NRCAM: variants seen among roughly 807,000 people sequenced by gnomAD.
NRCAM encodes the protein neuronal cell adhesion molecule, also known as NgCAM-related cell adhesion molecule.
NRCAM carries 83 observed loss-of-function variants against 156.5 expected under a neutral mutation model. That is an observed-to-expected ratio of 0.53 (90% CI 0.44 to 0.64). The LOEUF is 0.64. Among genes scored for constraint, NRCAM ranks in the 30% least tolerant of loss-of-function variants. The probability of loss-of-function intolerance (pLI) is 0.00; values close to 1 mark genes in which losing one functional copy is unlikely to be tolerated. For synonymous variants in NRCAM, 538 were observed against 563.9 expected, an observed-to-expected ratio of 0.95 and a Z score of 0.65; for missense variants, 1,417 against 1,597.3, an observed-to-expected ratio of 0.89 and a Z score of 1.92.
chr7:108,315,102 G>A (rs187842366), intron 2 of NRCAM, among the ~76,000 whole-genome samples: 5 of 151,450 alleles, frequency 3.3e-5, no homozygotes, highest in East Asian at 3.9e-4. Context: ...AACTTTATAC[G>A]CAAGAATATA....
At chr7:108,150,449 A>G (rs2040646266) in intron 32 of NRCAM, among the ~76,000 whole-genome samples, 1 of 152,226 alleles carries the variant, frequency 6.6e-6, no homozygotes, top group African/African-American at 2.4e-5. Context: ...ATTAAATAAG[A>G]AAGAATTCAG....
intron 3 of NRCAM, among the ~76,000 whole-genome samples, chr7:108,263,469 T>C (rs1170055632): frequency 6.6e-6 from 1 of 152,246 alleles, no homozygotes; most frequent in Non-Finnish European, 1.5e-5. Flanking sequence ...TTGCAGTGTA[T>C]TGCCCTAACT....
intron 2 of NRCAM, among the ~76,000 whole-genome samples, chr7:108,373,483 T>G (rs934846455): frequency 1.3e-5 from 2 of 152,178 alleles, no homozygotes; most frequent in Non-Finnish European, 2.9e-5. Flanking sequence ...TACAGCTACC[T>G]TACTTTCAAT....
At chr7:108,427,837 T>G (rs1819385565) in intron 1 of NRCAM, among the ~76,000 whole-genome samples, 1 of 152,188 alleles carries the variant, frequency 6.6e-6, no homozygotes, top group Non-Finnish European at 1.5e-5. Flanking sequence ...GTTATTTCAA[T>G]CTTGCTCTTG....
chr7:108,237,646 A>G, intron 5 of NRCAM, 106 bp downstream of exon 5: 1 of 770,174 alleles, frequency 1.3e-6, no homozygotes. Context: ...AGAAAGACAA[A>G]GGTCACAAAA....
In NRCAM at chr7:108,268,045, A is replaced by C. The variant is rs2097174229; in HGVS notation, c.-106-27875T>G. ...TCTCATTAATATAGCAAATAAGTAA[A>C]ATTCATTTACACGGCATTTCTTCAC... On this transcript the variant is annotated intron_variant, in intron 3 of 32. Transcript: ENST00000379028. 7.9e-5 allele frequency among the ~76,000 whole-genome samples: 4 copies of C among 50,838 alleles called. No homozygotes were observed. The South Asian group carries it at 2.5e-3, about 31-fold the overall frequency. 33.4% of individuals were successfully genotyped at this position (50,838 alleles called of 152,430 possible).
chr7:108,300,823 T>C (rs2098594532), intron 3 of NRCAM, among the ~76,000 whole-genome samples: 1 of 152,180 alleles, frequency 6.6e-6, no homozygotes, highest in Non-Finnish European at 1.5e-5. Flanking sequence ...AAATTTTTGA[T>C]TAAAATATCA....
intron 28 of NRCAM, among the ~76,000 whole-genome samples, chr7:108,174,768 C>T (rs1042635154): frequency 1.3e-5 from 2 of 152,240 alleles, no homozygotes; most frequent in African/African-American, 4.8e-5. Context: ...TATGGGTCAC[C>T]TGGAAGACTC....
intron 2 of NRCAM, among the ~76,000 whole-genome samples, chr7:108,386,140 G>A (rs2099740320): frequency 6.6e-6 from 1 of 152,150 alleles, no homozygotes; most frequent in African/African-American, 2.4e-5. Flanking sequence ...CATGTTTTAT[G>A]AAGGAAGGAT....
intron 2 of NRCAM, among the ~76,000 whole-genome samples, chr7:108,347,687 G>C (rs13242951): frequency 0.23 from 35,109 of 152,034 alleles, 4,406 homozygotes; most frequent in East Asian, 0.45. Context: ...AGGGATCCAG[G>C]ATATGCCTGA....
intron 1 of NRCAM, among the ~76,000 whole-genome samples, chr7:108,404,365 G>T (rs2099801574): frequency 6.6e-6 from 1 of 152,182 alleles, no homozygotes; most frequent in South Asian, 2.1e-4. Context: ...TCCTGCTCAA[G>T]AACAGAGATA....
intron 3 of NRCAM, among the ~76,000 whole-genome samples, chr7:108,250,788 G>A (rs1448246562): frequency 6.6e-6 from 1 of 152,092 alleles, no homozygotes; most frequent in Non-Finnish European, 1.5e-5. Context: ...AAGCATAAAT[G>A]CTTGAGGGGA....
intron 2 of NRCAM, among the ~76,000 whole-genome samples, chr7:108,340,909 T>G (rs1411783623): frequency 2.0e-5 from 3 of 152,100 alleles, no homozygotes; most frequent in Non-Finnish European, 2.9e-5. Flanking sequence ...CTTGGCAACC[T>G]TGGTTTTTCA....
chr7:108,262,634 T>C (rs914925629), intron 3 of NRCAM, among the ~76,000 whole-genome samples: 3 of 152,226 alleles, frequency 2.0e-5, no homozygotes, highest in Non-Finnish European at 4.4e-5. Context: ...TGAAGATCTA[T>C]AGGACACACT....
At chr7:108,424,886 G>A (rs1815082147) in intron 1 of NRCAM, among the ~76,000 whole-genome samples, 1 of 152,072 alleles carries the variant, frequency 6.6e-6, no homozygotes, top group Non-Finnish European at 1.5e-5. Flanking sequence ...TGTTTCATCT[G>A]CAGCCTTTCT....
intron 3 of NRCAM, among the ~76,000 whole-genome samples, chr7:108,276,165 T>C (rs2097594358): frequency 6.6e-6 from 1 of 152,210 alleles, no homozygotes; most frequent in African/African-American, 2.4e-5. Context: ...ACGTGGTCAA[T>C]TTTAGAATAA....
chr7:108,168,369 GT>G lies in NRCAM; in HGVS notation c.3220del (p.Thr1074LeufsTer21). 1 of 1,606,482 alleles carries G rather than the reference GT, an allele frequency of 6.2e-7. No homozygotes were observed. Among genetic ancestry groups the G allele is most frequent in the Middle Eastern group, 1.7e-4 (1 of 6,052 alleles). ...GGCATAGGTCTCAGCAGCTGCAGCAGTAAGATTGCTGATCCTGGGATTTACT... is the reference window on the plus strand; with the variant it reads ...GGCATAGGTCTCAGCAGCTGCAGCAGAAGATTGCTGATCCTGGGATTTACT... Reference protein sequence around the residue: ...QAVNPRISNLTAAAAETYANI... With the variant: ...QAVNPRISNLXAAAAETYANI... On this transcript the variant is annotated frameshift_variant, in exon 29 of 33. Transcript: ENST00000379028. LOFTEE classifies it high-confidence loss of function.
intron 2 of NRCAM, among the ~76,000 whole-genome samples, chr7:108,387,172 C>A (rs2099743298): frequency 2.0e-5 from 3 of 152,090 alleles, no homozygotes; most frequent in Admixed American, 6.6e-5. Context: ...GTTCCTTTAA[C>A]TTTTACTCAG....
intron 3 of NRCAM, among the ~76,000 whole-genome samples, chr7:108,296,179 G>A (rs900487072): frequency 3.3e-5 from 5 of 152,140 alleles, no homozygotes; most frequent in Non-Finnish European, 7.4e-5. Context: ...TTCAAGCAAT[G>A]GTATCCTTTT....
Sources: allele counts gnomAD v4.1 joint callset (sites outside exome capture counted in the v4.1 genomes callset), GRCh38; gene constraint gnomAD v4.1.1; transcripts MANE v1.5; gene names NCBI Gene and HGNC (gene_info 2026-07-23, HGNC 2026-07-21).